Variants in WDR82 observed in about 807,000 individuals in gnomAD.
WDR82 encodes the protein WD repeat domain 82, also known as WD repeat-containing protein 82.
A neutral mutation model predicts 36.1 loss-of-function variants in WDR82; 8 were observed. The observed-to-expected ratio is 0.22, with a 90% CI of 0.13 to 0.40. The LOEUF (loss-of-function observed/expected upper bound fraction) is 0.40. Ranked by LOEUF, WDR82 falls within the 10% of genes least tolerant of loss-of-function variation. The probability of loss-of-function intolerance (pLI) is 1.00; values close to 1 mark genes in which losing one functional copy is unlikely to be tolerated. For synonymous variants in WDR82, 129 were observed against 137.8 expected (o/e 0.94, Z 0.45); for missense variants, 185 against 400.5 (o/e 0.46, Z 4.59).
chr3:52,260,586 G>GAA, intron 4 of WDR82, 85 bp from the exon 5 acceptor site: 1 of 842,590 alleles, frequency 1.2e-6, no homozygotes, highest in South Asian at 2.4e-5. Context: ...GTACAATGGG[G>GAA]AAAAAAAAAT....
intron 3 of WDR82, among the ~76,000 whole-genome samples, chr3:52,266,576 T>C (rs1340309393): frequency 1.3e-5 from 2 of 152,128 alleles, no homozygotes; most frequent in Non-Finnish European, 2.9e-5. Context: ...TAGCTGGGAT[T>C]GCAGGTGTCC....
At chr3:52,273,556 C>T (rs1031639435) in intron 1 of WDR82, among the ~76,000 whole-genome samples, 1 of 152,168 alleles carries the variant, frequency 6.6e-6, no homozygotes, top group African/African-American at 2.4e-5. Context: ...ATCAAAAACA[C>T]TAACCTGAGA....
At chr3:52,266,513 T>C (rs1700108307) in intron 3 of WDR82, among the ~76,000 whole-genome samples, 1 of 152,048 alleles carries the variant, frequency 6.6e-6, no homozygotes, top group Admixed American at 6.6e-5. Flanking sequence ...TCTCGGCTCA[T>C]TGCAACCTCT....
chr3:52,271,180 G>C (rs1700150236), intron 1 of WDR82, among the ~76,000 whole-genome samples: 1 of 152,180 alleles, frequency 6.6e-6, no homozygotes, highest in Non-Finnish European at 1.5e-5. Flanking sequence ...GATTATAATA[G>C]AGCTGCCCTC....
At chr3:52,272,045 G>A (rs1020743426) in intron 1 of WDR82, among the ~76,000 whole-genome samples, 2 of 152,064 alleles carry the variant, frequency 1.3e-5, no homozygotes, top group Non-Finnish European at 2.9e-5. Flanking sequence ...AGCCAAGATC[G>A]TGCCACTGCA....
chr3:52,270,603 T>C, intron 2 of WDR82, 109 bp downstream of exon 2: 4 of 838,084 alleles, frequency 4.8e-6, no homozygotes, highest in South Asian at 1.8e-5. Context: ...TAACATTATA[T>C]GAAAATACTT....
intron 1 of WDR82, among the ~76,000 whole-genome samples, chr3:52,271,716 T>C (rs960495492): frequency 7.2e-5 from 11 of 152,198 alleles, no homozygotes; most frequent in Non-Finnish European, 2.9e-5. Flanking sequence ...TCAAAAGCGC[T>C]TGCTGAGCCT....
At chr3:52,261,565 C>CAT in intron 3 of WDR82, 86 bp from the exon 4 acceptor site, 2 of 1,118,138 alleles carry the variant, frequency 1.8e-6, no homozygotes, top group Non-Finnish European at 2.5e-6. Context: ...CCTATCTATA[C>CAT]ATATATATAC....
At chr3:52,275,215 C>T (rs1182767670) in intron 1 of WDR82, among the ~76,000 whole-genome samples, 2 of 152,060 alleles carry the variant, frequency 1.3e-5, no homozygotes, top group Non-Finnish European at 1.5e-5. Flanking sequence ...GAGCGAAAGT[C>T]CCTATCAAAA....
Position 52,259,876 on chromosome 3 carries a change from CA to C in WDR82, c.544-5del, listed in dbSNP as rs758098833. The C allele has an allele frequency of 4.3e-6, 7 of 1,609,506 alleles. No homozygotes were observed. The highest frequency in any genetic ancestry group is 2.5e-6 in the Non-Finnish European group (3 of 1,178,036). On this transcript the variant is annotated splice_polypyrimidine_tract_variant and splice_region_variant and intron_variant, in intron 5 of 8. Coordinates refer to ENST00000296490, the MANE Select transcript of WDR82 (RefSeq NM_025222.4). ...TCTTAAAGGTAGCAAATGGCCCCTG[CA>C]AAAGATAAAAAACAGTAGCCCCAGG... is the stretch of plus-strand genomic sequence containing the variant.
At chr3:52,263,605 G>A (rs554310091) in intron 3 of WDR82, among the ~76,000 whole-genome samples, 2 of 152,362 alleles carry the variant, frequency 1.3e-5, no homozygotes, top group East Asian at 3.9e-4. Flanking sequence ...AGAAGCAAAG[G>A]AGAGAACACA....
intron 5 of WDR82, among the ~76,000 whole-genome samples, chr3:52,260,177 A>C (rs746866092): frequency 6.6e-6 from 1 of 152,182 alleles, no homozygotes; most frequent in Non-Finnish European, 1.5e-5. Context: ...TAAATACAAA[A>C]AATTAGCCAG....
At chr3:52,257,633 CCT>C (rs1700021310) in intron 8 of WDR82, 114 bp from the exon 9 acceptor site, 2 of 1,294,828 alleles carry the variant, frequency 1.5e-6, no homozygotes, top group Admixed American at 1.9e-5. Context: ...CTCTGGTAGC[CCT>C]CTCTCCTAAC....
intron 1 of WDR82, among the ~76,000 whole-genome samples, chr3:52,274,192 C>G (rs1700180208): frequency 6.6e-6 from 1 of 152,220 alleles, no homozygotes; most frequent in Admixed American, 6.5e-5. Context: ...GACCAGTAAA[C>G]TGGAAAATAC....
chr3:52,259,634 G>A, intron 6 of WDR82, 83 bp downstream of exon 6: 1 of 1,487,138 alleles, frequency 6.7e-7, no homozygotes, highest in Non-Finnish European at 9.0e-7. Context: ...AGTAACTGTT[G>A]GTCTCCACCA....
chr3:52,272,543 C>CAAAAA (rs538212712), intron 1 of WDR82, among the ~76,000 whole-genome samples: 8 of 100,308 alleles, frequency 8.0e-5, no homozygotes, highest in South Asian at 3.1e-4. Flanking sequence ...GACTCCATCT[C>CAAAAA]AAAAAAAAAA....
chr3:52,260,082 G>A (rs56296139), intron 5 of WDR82, among the ~76,000 whole-genome samples: 4,917 of 152,266 alleles, frequency 0.032, 110 homozygotes, highest in Non-Finnish European at 0.046. Context: ...TGTAATCCCA[G>A]CACTTTGGGA....
rs1170427767 is a variant in WDR82, at chr3:52,270,817, G to A, written c.162-8C>T. On this transcript the variant is annotated splice_polypyrimidine_tract_variant and splice_region_variant and intron_variant, in intron 1 of 8. Transcript: ENST00000296490. The stretch of plus-strand genomic sequence containing the variant: ...TACAGGGTTCTCTTTGGTCTGATAA[G>A]AAAATAGAGACAGAAAATCATGAAC... 6.4e-7 allele frequency: 1 copy of A among 1,566,564 alleles called. No individual in the cohort carries two copies. Among genetic ancestry groups the A allele is most frequent in the Non-Finnish European group, 8.7e-7 (1 of 1,155,026 alleles).
chr3:52,269,390 G>T (rs1014455582), intron 2 of WDR82, among the ~76,000 whole-genome samples: 3 of 151,916 alleles, frequency 2.0e-5, no homozygotes, highest in Admixed American at 1.3e-4. Context: ...CAAGAGCATC[G>T]CTTGAACCCA....
Sources: gnomAD v4.1 joint callset for allele counts (sites outside exome capture counted in the v4.1 genomes callset) on GRCh38, gnomAD v4.1.1 for gene constraint, MANE v1.5 for transcripts, NCBI Gene and HGNC (gene_info 2026-07-23, HGNC 2026-07-21) for gene names.